The following ZNF827 variants were observed in gnomAD, a reference collection of about 807,000 sequenced individuals.
The protein encoded by ZNF827 is zinc finger protein 827.
Under a neutral mutation model 102.4 loss-of-function variants are expected in ZNF827, and 13 were observed. The ratio of observed to expected loss-of-function variants is 0.13; its 90% CI spans 0.08 to 0.20. ZNF827 has a LOEUF of 0.20. Among genes scored for constraint, ZNF827 ranks in the 10% least tolerant of loss-of-function variants. The pLI is 1.00. For missense variants in ZNF827, 1,103 were observed against 1,344.4 expected, an observed-to-expected ratio of 0.82 and a Z score of 2.81; for synonymous variants, 523 against 536.2, an observed-to-expected ratio of 0.98 and a Z score of 0.34.
At chr4:145,842,473 G>C (rs1266784474) in intron 7 of ZNF827, among the ~76,000 whole-genome samples, 3 of 152,200 alleles carry the variant, frequency 2.0e-5, no homozygotes, top group Admixed American at 2.0e-4. Context: ...AAGCTACAGA[G>C]TGTTTCCTCT....
chr4:145,837,036 C>T (rs1380445260), intron 7 of ZNF827, among the ~76,000 whole-genome samples: 1 of 152,218 alleles, frequency 6.6e-6, no homozygotes, highest in East Asian at 1.9e-4. Context: ...GATACTTTCA[C>T]TGGATAGGTA....
intron 7 of ZNF827, among the ~76,000 whole-genome samples, chr4:145,826,575 GAAT>G (rs202145963): frequency 1.4e-3 from 217 of 152,266 alleles, no homozygotes; most frequent in African/African-American, 5.0e-3. Context: ...TCCAGAATAA[GAAT>G]AATGTTACAC....
At chr4:145,780,101 G>A (rs1284022339) in intron 8 of ZNF827, among the ~76,000 whole-genome samples, 2 of 152,328 alleles carry the variant, frequency 1.3e-5, no homozygotes, top group Non-Finnish European at 1.5e-5. Context: ...TGAGGCACGA[G>A]AATCGCTTGA....
chr4:145,917,098 GCT>G (rs2126947116), intron 1 of ZNF827, among the ~76,000 whole-genome samples: 1 of 152,230 alleles, frequency 6.6e-6, no homozygotes, highest in East Asian at 1.9e-4. Context: ...TGCCCTTAAT[GCT>G]CTGTTTATAA....
intron 4 of ZNF827, among the ~76,000 whole-genome samples, chr4:145,884,611 C>T (rs1228968807): frequency 6.6e-6 from 1 of 152,070 alleles, no homozygotes; most frequent in Non-Finnish European, 1.5e-5. Context: ...AGTAGCTGCA[C>T]AATCCTGCAA....
intron 5 of ZNF827, among the ~76,000 whole-genome samples, chr4:145,861,110 C>G (rs965772612): frequency 6.6e-6 from 1 of 152,166 alleles, no homozygotes; most frequent in African/African-American, 2.4e-5. Flanking sequence ...TCTATGAGAC[C>G]AGCATGTATC....
At chr4:145,860,887 T>C (rs1445072005) in intron 5 of ZNF827, among the ~76,000 whole-genome samples, 1 of 152,234 alleles carries the variant, frequency 6.6e-6, no homozygotes, top group Non-Finnish European at 1.5e-5. Flanking sequence ...ATTCTCTTTG[T>C]GAAATTTCTA....
intron 5 of ZNF827, among the ~76,000 whole-genome samples, chr4:145,857,698 G>C (rs1177871932): frequency 4.6e-5 from 7 of 152,136 alleles, no homozygotes. Context: ...GATTAGCTTT[G>C]GCAGCCCAGC....
rs1224627927 is a variant in ZNF827, at chr4:145,761,679, C to G, written c.*18-81G>C. The G allele has an allele frequency of 5.8e-6, 5 of 859,108 alleles. No homozygotes were observed. The highest frequency in any genetic ancestry group is 8.0e-6 in the Non-Finnish European group (5 of 626,636). The allele number at this position is 859,108 out of a possible 1,614,324, so 53.2% of individuals were successfully genotyped here. On this transcript the variant is annotated intron_variant, in intron 14 of 14. Coordinates refer to ENST00000508784, the MANE Select transcript of ZNF827 (RefSeq NM_001306215.2). This position sits in a 1 kb window ranked among gnomAD's most constrained non-coding sequence, Gnocchi z 6.8. ...CGCTTCTCGCCGCCTCACCAGCCTT[C>G]CCTCACACCACCCCCCAGTGTCTGA...
chr4:145,871,588 G>C (rs1443116846), intron 4 of ZNF827, among the ~76,000 whole-genome samples: 1 of 152,178 alleles, frequency 6.6e-6, no homozygotes, highest in Admixed American at 6.5e-5. Context: ...TCCATCTTTT[G>C]AGAAAGAGGA....
chr4:145,860,985 T>C (rs1303196481), intron 5 of ZNF827, among the ~76,000 whole-genome samples: 2 of 152,214 alleles, frequency 1.3e-5, no homozygotes, highest in Non-Finnish European at 2.9e-5. Flanking sequence ...GGTGCACAGA[T>C]GCGCTGAGTA....
chr4:145,930,827 CTG>C (rs1161382967), intron 1 of ZNF827, among the ~76,000 whole-genome samples: 5 of 152,050 alleles, frequency 3.3e-5, no homozygotes, highest in African/African-American at 9.7e-5. Context: ...TGCAGCCTCT[CTG>C]TGTGTGTGCG....
At chr4:145,936,966 G>C (rs926003765) in intron 1 of ZNF827, among the ~76,000 whole-genome samples, 1 of 151,562 alleles carries the variant, frequency 6.6e-6, no homozygotes, top group Non-Finnish European at 1.5e-5. Context: ...CCCTCCCTCC[G>C]GCGCCTCCCG....
chr4:145,779,468 G>C lies in ZNF827; in HGVS notation c.2427C>G (p.Ser809=), dbSNP rs896783940. Residue 809 remains serine (S), a synonymous_variant, in exon 9 of 15, where the codon TCC becomes TCG. Transcript: ENST00000508784. ...IVLEAGNGLP[S]WKFNDQLFPC... ...GAAAAAGCTGGTCATTGAATTTCCA[G>C]GATGGTAATCCATTTCCTGCCTCTA... 3.7e-6 allele frequency: 6 copies of C among 1,614,204 alleles called. No individual in the cohort carries two copies. The highest frequency in any genetic ancestry group is 5.1e-6 in the Non-Finnish European group (6 of 1,180,042).
chr4:145,881,761 T>C (rs989986702), intron 4 of ZNF827, among the ~76,000 whole-genome samples: 1 of 152,178 alleles, frequency 6.6e-6, no homozygotes, highest in African/African-American at 2.4e-5. Context: ...AACCTTGACC[T>C]ATGGTGAAAG....
At chr4:145,779,537 G>A in intron 8 of ZNF827, 26 bp from the exon 9 acceptor site, 1 of 1,608,646 alleles carries the variant, frequency 6.2e-7, no homozygotes, top group East Asian at 2.2e-5. Flanking sequence ...AAAGCATCAT[G>A]AGAAATAAGG....
chr4:145,878,184 C>T (rs1453066522), intron 4 of ZNF827, among the ~76,000 whole-genome samples: 1 of 152,110 alleles, frequency 6.6e-6, no homozygotes, highest in Non-Finnish European at 1.5e-5. Context: ...CTGTGGCAGA[C>T]CATGAAATGG....
chr4:145,885,754 C>A lies in ZNF827; in HGVS notation c.1671G>T (p.Val557=). Residue 557 remains valine, a synonymous_variant, in exon 4 of 15, where the codon GTG becomes GTT. Transcript: ENST00000508784. ...HTKLKDPSEY[V]ANSASALFSQ... ...TGAACAATGCTGACGCACTGTTGGC[C>A]ACATACTCGGAGGGGTCTTTCAGCT... The A allele has an allele frequency of 6.3e-7, 1 of 1,599,964 alleles. No individual in the cohort carries two copies. The highest frequency in any genetic ancestry group is 8.5e-7 in the Non-Finnish European group (1 of 1,172,940).
At chr4:145,774,364 T>C in intron 11 of ZNF827, 142 bp downstream of exon 11, 2 of 905,570 alleles carry the variant, frequency 2.2e-6, no homozygotes, top group Middle Eastern at 3.6e-4. Flanking sequence ...AATGTGGCTT[T>C]CATGCCTTGG....
Sources: allele counts gnomAD v4.1 joint callset (sites outside exome capture counted in the v4.1 genomes callset), GRCh38; gene constraint gnomAD v4.1.1; non-coding constraint Gnocchi (gnomAD v3.1); transcripts MANE v1.5; gene names NCBI Gene and HGNC (gene_info 2026-07-23, HGNC 2026-07-21).